Variants in CADM2 observed in about 807,000 individuals in gnomAD.
CADM2 encodes the protein immunoglobulin superfamily member 4D.
A neutral mutation model predicts 49.8 loss-of-function variants in CADM2; 12 were observed. The observed-to-expected ratio is 0.24, with a 90% CI of 0.15 to 0.39. The LOEUF (loss-of-function observed/expected upper bound fraction) is 0.39, where lower values mean the gene tolerates loss of function less well. Ranked by LOEUF, CADM2 falls within the 10% of genes least tolerant of loss-of-function variation. The pLI, the probability that CADM2 is intolerant of heterozygous loss-of-function variation, is 1.00. For synonymous variants in CADM2, 214 were observed against 175.4 expected, an observed-to-expected ratio of 1.22 and a Z score of -1.74; for missense variants, 378 against 492.3, an observed-to-expected ratio of 0.77 and a Z score of 2.20.
chr3:85,962,547 T>C (rs1724966540), intron 8 of CADM2, among the ~76,000 whole-genome samples: 1 of 151,978 alleles, frequency 6.6e-6, no homozygotes, highest in Admixed American at 6.6e-5. Context: ...ATTTCTGTTT[T>C]TTCCAACTTT....
intron 1 of CADM2, among the ~76,000 whole-genome samples, chr3:85,472,974 T>C (rs1445382780): frequency 6.6e-6 from 1 of 152,072 alleles, no homozygotes; most frequent in Non-Finnish European, 1.5e-5. Flanking sequence ...CATCAGTTTC[T>C]TACACAATTA....
intron 6 of CADM2, among the ~76,000 whole-genome samples, chr3:85,932,924 GGCGTTT>G (rs1302741852): frequency 3.3e-5 from 5 of 152,046 alleles, no homozygotes; most frequent in Non-Finnish European, 7.4e-5. Flanking sequence ...TATCTGCTTT[GGCGTTT>G]GCTTATAATG....
intron 8 of CADM2, chr3:86,013,897 A>C (rs1577951189): frequency 6.3e-7 from 1 of 1,594,578 alleles, no homozygotes; most frequent in East Asian, 2.2e-5. Flanking sequence ...AAATATCCCC[A>C]AGCTATCTAC....
At chr3:85,559,895 G>A (rs1405758659) in intron 1 of CADM2, among the ~76,000 whole-genome samples, 1 of 152,044 alleles carries the variant, frequency 6.6e-6, no homozygotes, top group Non-Finnish European at 1.5e-5. Flanking sequence ...TATCAGATTA[G>A]AGTTTCATAT....
intron 1 of CADM2, among the ~76,000 whole-genome samples, chr3:85,314,113 C>A (rs2044408888): frequency 6.6e-6 from 1 of 152,176 alleles, no homozygotes; most frequent in Non-Finnish European, 1.5e-5. Context: ...TGGTCTCGAT[C>A]TCCCGACCTC....
At chr3:85,393,274 C>T (rs2034609490) in intron 1 of CADM2, among the ~76,000 whole-genome samples, 1 of 152,034 alleles carries the variant, frequency 6.6e-6, no homozygotes, top group African/African-American at 2.4e-5. Context: ...ATTTGGCGCA[C>T]ATAATGATGT....
chr3:85,306,738 A>G (rs2044220558), intron 1 of CADM2, among the ~76,000 whole-genome samples: 1 of 151,730 alleles, frequency 6.6e-6, no homozygotes, highest in African/African-American at 2.4e-5. Flanking sequence ...TCTTTGTCTA[A>G]TTCCACAAAG....
At chr3:85,024,699 G>A (rs4856557) in intron 1 of CADM2, among the ~76,000 whole-genome samples, 8,469 of 150,346 alleles carry the variant, frequency 0.056, 326 homozygotes, top group Admixed American at 0.092. Context: ...ATATGTAGTC[G>A]TCACTGAAAA....
intron 1 of CADM2, among the ~76,000 whole-genome samples, chr3:85,550,067 C>T (rs1177865650): frequency 6.6e-6 from 1 of 152,076 alleles, no homozygotes. Flanking sequence ...AGGAGGCAAA[C>T]ACTGTAACAG....
chr3:85,410,489 A>G (rs1478049187), intron 1 of CADM2, among the ~76,000 whole-genome samples: 2 of 152,268 alleles, frequency 1.3e-5, no homozygotes, highest in African/African-American at 4.8e-5. Flanking sequence ...TGTAATTTGT[A>G]TAGGCACTAA....
intron 2 of CADM2, chr3:85,800,375 T>G (rs1056475361): frequency 6.6e-6 from 1 of 152,234 alleles, no homozygotes; most frequent in African/African-American, 2.4e-5. Flanking sequence ...GCTTCAGCCG[T>G]CTTTCCATTG....
intron 1 of CADM2, among the ~76,000 whole-genome samples, chr3:85,193,902 C>T (rs982233920): frequency 6.6e-6 from 1 of 152,020 alleles, no homozygotes; most frequent in African/African-American, 2.4e-5. Context: ...CCAATGCTGT[C>T]GTGCGGACAT....
intron 1 of CADM2, among the ~76,000 whole-genome samples, chr3:85,273,002 A>G (rs191838659): frequency 1.3e-5 from 2 of 151,362 alleles, no homozygotes; most frequent in South Asian, 2.1e-4. Flanking sequence ...AAGTGCCAAG[A>G]TATTGGGAGG....
intron 2 of CADM2, among the ~76,000 whole-genome samples, chr3:85,775,955 C>A (rs1443268768): frequency 1.3e-5 from 2 of 151,732 alleles, no homozygotes; most frequent in Admixed American, 6.6e-5. Flanking sequence ...GTACAGGCAA[C>A]TATTTCTAAC....
intron 1 of CADM2, among the ~76,000 whole-genome samples, chr3:85,630,577 T>A (rs1161769926): frequency 6.6e-6 from 1 of 152,092 alleles, no homozygotes; most frequent in Non-Finnish European, 1.5e-5. Context: ...AGGAATGAGA[T>A]GAAGTCAAAG....
chr3:85,669,318 G>T (rs1312045102), intron 1 of CADM2, among the ~76,000 whole-genome samples: 2 of 152,084 alleles, frequency 1.3e-5, no homozygotes, highest in Non-Finnish European at 2.9e-5. Flanking sequence ...ACATCATAAA[G>T]AAGTGAAACT....
intron 8 of CADM2, among the ~76,000 whole-genome samples, chr3:86,042,651 C>T (rs1736102624): frequency 6.6e-6 from 1 of 152,100 alleles, no homozygotes; most frequent in Non-Finnish European, 1.5e-5. Flanking sequence ...ACCAGAGGTA[C>T]AAGGAGGAGC....
chr3:85,883,367 C>G lies in CADM2; in HGVS notation c.315C>G (p.Leu105=), dbSNP rs200087156. 6.2e-7 allele frequency: 1 copy of G among 1,613,864 alleles called. No homozygotes were observed. Among genetic ancestry groups the G allele is most frequent in the South Asian group, 1.1e-5 (1 of 91,062 alleles). The change falls in exon 4 of 10, where the codon CTC becomes CTG. Residue 105 remains leucine, a synonymous_variant. Transcript: ENST00000383699. ...GTATTAGTGTCAGTGATGTGTCTCTCTCTGATGAAGGACAGTACACCTGTT... is the reference window on the plus strand; with the variant it reads ...GTATTAGTGTCAGTGATGTGTCTCTGTCTGATGAAGGACAGTACACCTGTT... ...ELSISVSDVS[L]SDEGQYTCSL...
intron 1 of CADM2, among the ~76,000 whole-genome samples, chr3:85,541,334 A>G (rs1273721777): frequency 6.6e-6 from 1 of 151,792 alleles, no homozygotes; most frequent in Non-Finnish European, 1.5e-5. Flanking sequence ...GCATGTATAT[A>G]CATTATATTC....
Sources: gnomAD v4.1 joint callset for allele counts (sites outside exome capture counted in the v4.1 genomes callset) on GRCh38, gnomAD v4.1.1 for gene constraint, MANE v1.5 for transcripts, NCBI Gene and HGNC (gene_info 2026-07-23, HGNC 2026-07-21) for gene names.